Variants in SMIM35 observed in about 807,000 individuals in gnomAD.
SMIM35 encodes TMPRSS4 antisense RNA 1 (non-protein coding).
intron 1 of SMIM35, among the ~76,000 whole-genome samples, chr11:118,073,880 C>G (rs75318667): frequency 0.028 from 4,259 of 152,360 alleles, 213 homozygotes; most frequent in African/African-American, 0.099. Context: ...TGTCTGAGCT[C>G]AGACCATTGT....
intron 2 of SMIM35, among the ~76,000 whole-genome samples, 159 bp from the exon 3 acceptor site, chr11:118,014,900 C>A (rs1186774684): frequency 1.3e-5 from 2 of 152,102 alleles, no homozygotes; most frequent in African/African-American, 4.8e-5. Context: ...TCCTTCAGGG[C>A]CCCCCATTAA....
intron 1 of SMIM35, among the ~76,000 whole-genome samples, chr11:118,022,037 T>TA (rs1279977892): frequency 3.3e-5 from 5 of 149,356 alleles, no homozygotes; most frequent in Admixed American, 6.6e-5. Context: ...TAAGTCTTTT[T>TA]TTTTTTTTTT....
chr11:118,010,668 G>C (rs2135014058), intron 4 of SMIM35, among the ~76,000 whole-genome samples: 1 of 152,314 alleles, frequency 6.6e-6, no homozygotes, highest in Admixed American at 6.5e-5. Flanking sequence ...ACGGACTTGG[G>C]CCATCTCACA....
chr11:118,038,210 C>T (rs1029194022), intron 1 of SMIM35, among the ~76,000 whole-genome samples: 8 of 152,200 alleles, frequency 5.3e-5, no homozygotes, highest in South Asian at 2.1e-4. Flanking sequence ...AGGCTTCGGG[C>T]GTGAACTGAA....
At chr11:118,070,323 C>T (rs1944552069) in intron 1 of SMIM35, among the ~76,000 whole-genome samples, 1 of 152,088 alleles carries the variant, frequency 6.6e-6, no homozygotes. Flanking sequence ...ATTACAGGCA[C>T]CTACCACCAC....
chr11:118,048,470 G>A lies in SMIM35; in HGVS notation c.8-32661C>T, dbSNP rs1381278701. 9.9e-5 allele frequency among the ~76,000 whole-genome samples: 15 copies of A among 151,552 alleles called. 1 individual carries two copies. The highest frequency in any genetic ancestry group is 7.9e-4 in the Admixed American group (12 of 15,204). On this transcript the variant is annotated intron_variant, in intron 1 of 4. Transcript: ENST00000689828. ...GGAAGTTGCAGCGAGCCTAGATTGCGCCACTGCACTCCAGCCTGGATGACA... is the reference window on the plus strand; with the variant it reads ...GGAAGTTGCAGCGAGCCTAGATTGCACCACTGCACTCCAGCCTGGATGACA...
chr11:118,086,188 T>C (rs185927739), intron 1 of SMIM35, among the ~76,000 whole-genome samples: 4 of 152,338 alleles, frequency 2.6e-5, no homozygotes, highest in Non-Finnish European at 5.9e-5. Flanking sequence ...CTTCCCTGCC[T>C]CCCCAGCCCT....
At position 118,048,946 on chromosome 11, in the gene SMIM35, C is replaced by CAAAAAAAAAAAAAAAAAAAAAA. The variant is rs57261529; in HGVS notation, c.8-33138_8-33137insTTTTTTTTTTTTTTTTTTTTTT. On this transcript the variant is annotated intron_variant, in intron 1 of 4. Transcript: ENST00000689828. ...GCCTATCGCCTAGGCTGAAGAGCTG[C>CAAAAAAAAAAAAAAAAAAAAAA]AAAAAAAAAAAAAAAAAAGCAAGTG... 2.3e-3 allele frequency among the ~76,000 whole-genome samples: 141 copies of CAAAAAAAAAAAAAAAAAAAAAA among 60,456 alleles called. 15 individuals carry two copies. Among genetic ancestry groups the CAAAAAAAAAAAAAAAAAAAAAA allele is most frequent in the African/African-American group, 2.8e-3 (38 of 13,716 alleles). The allele number at this position is 60,456 out of a possible 152,430, so 39.7% of individuals were successfully genotyped here.
At chr11:118,068,932 G>A (rs116936839) in intron 1 of SMIM35, among the ~76,000 whole-genome samples, 192 of 152,322 alleles carry the variant, frequency 1.3e-3, no homozygotes, top group Non-Finnish European at 2.3e-3. Flanking sequence ...TCATCCGTGG[G>A]ATTTGGCAAG....
intron 1 of SMIM35, among the ~76,000 whole-genome samples, chr11:118,032,676 A>T: frequency 6.6e-6 from 1 of 152,018 alleles, no homozygotes; most frequent in East Asian, 1.9e-4. Flanking sequence ...AGAGGCCGAG[A>T]TGTGGGGATC....
chr11:118,041,325 C>T (rs1024674699), intron 1 of SMIM35, among the ~76,000 whole-genome samples: 1 of 152,138 alleles, frequency 6.6e-6, no homozygotes, highest in Non-Finnish European at 1.5e-5. Context: ...TAACAGACAT[C>T]TGTAAAACAC....
At chr11:118,072,774 A>C (rs1944592232) in intron 1 of SMIM35, among the ~76,000 whole-genome samples, 1 of 152,200 alleles carries the variant, frequency 6.6e-6, no homozygotes, top group South Asian at 2.1e-4. Context: ...CCTGTGTTTT[A>C]TCTCCTAATC....
At chr11:118,017,565 G>T (rs1283387010) in intron 1 of SMIM35, among the ~76,000 whole-genome samples, 2 of 152,178 alleles carry the variant, frequency 1.3e-5, no homozygotes, top group African/African-American at 2.4e-5. Flanking sequence ...TAAGCAGAAA[G>T]AAAGCATTGT....
At chr11:118,058,803 T>C in intron 1 of SMIM35, among the ~76,000 whole-genome samples, 1 of 152,148 alleles carries the variant, frequency 6.6e-6, no homozygotes. Flanking sequence ...GTGGGAGCTG[T>C]CCTTCTGCAG....
intron 1 of SMIM35, among the ~76,000 whole-genome samples, chr11:118,056,731 A>T (rs1944315932): frequency 6.6e-6 from 1 of 152,232 alleles, no homozygotes; most frequent in South Asian, 2.1e-4. Flanking sequence ...GACGGAGAAG[A>T]TCCAGACAGG....
chr11:118,047,182 C>T (rs1179001158), intron 1 of SMIM35, among the ~76,000 whole-genome samples: 1 of 152,120 alleles, frequency 6.6e-6, no homozygotes, highest in Non-Finnish European at 1.5e-5. Flanking sequence ...TGTCAGTGGC[C>T]CACATGTTGT....
chr11:118,039,077 G>A (rs923021206), intron 1 of SMIM35, among the ~76,000 whole-genome samples: 1 of 152,098 alleles, frequency 6.6e-6, no homozygotes. Context: ...GACCACTCAA[G>A]TATTGAAGCA....
At chr11:118,081,305 T>C (rs1172294371) in intron 1 of SMIM35, among the ~76,000 whole-genome samples, 1 of 152,200 alleles carries the variant, frequency 6.6e-6, no homozygotes, top group African/African-American at 2.4e-5. Context: ...GGTCTGAGCC[T>C]GCCCGGAAAC....
chr11:118,062,707 G>A (rs149177178), intron 1 of SMIM35, among the ~76,000 whole-genome samples: 8 of 152,168 alleles, frequency 5.3e-5, no homozygotes, highest in East Asian at 1.9e-4. Flanking sequence ...CTGCCTCTTC[G>A]TTGACTTCCA....
Sources: allele counts gnomAD v4.1 joint callset (sites outside exome capture counted in the v4.1 genomes callset), GRCh38; gene constraint gnomAD v4.1.1; transcripts MANE v1.5; gene names NCBI Gene and HGNC (gene_info 2026-07-23, HGNC 2026-07-21).